Variants in MRPL37 observed in about 807,000 individuals in gnomAD.
MRPL37 encodes mitochondrial ribosomal protein L37.
Under a neutral mutation model 44.1 loss-of-function variants are expected in MRPL37, and 34 were observed. That is an observed-to-expected ratio of 0.77 (90% CI 0.59 to 1.03). The LOEUF is 1.03. Among genes scored for constraint, MRPL37 ranks in the 50% least tolerant of loss-of-function variants. The probability of loss-of-function intolerance (pLI) is 0.00; values close to 1 mark genes in which losing one functional copy is unlikely to be tolerated. For synonymous variants in MRPL37, 212 were observed against 219.5 expected (o/e 0.97, Z 0.30); for missense variants, 532 against 543.7 (o/e 0.98, Z 0.21).
intron 3 of MRPL37, among the ~76,000 whole-genome samples, chr1:54,206,162 G>T (rs1644120526): frequency 6.6e-6 from 1 of 151,928 alleles, no homozygotes; most frequent in Non-Finnish European, 1.5e-5. Context: ...ACCCAGGCTG[G>T]AGTGCAGTGG....
intron 4 of MRPL37, among the ~76,000 whole-genome samples, chr1:54,212,184 C>T (rs140626535): frequency 3.9e-5 from 6 of 152,322 alleles, no homozygotes; most frequent in African/African-American, 1.4e-4. Flanking sequence ...CAGGCATTTT[C>T]TGTGAAGAGT....
In MRPL37 at chr1:54,206,086, TTTTG is replaced by T. The variant is rs1423012856; in HGVS notation, c.646+680_646+683del. 5.9e-5 allele frequency among the ~76,000 whole-genome samples: 9 copies of T among 151,776 alleles called. 1 individual carries two copies. The highest frequency in any genetic ancestry group is 4.1e-4 in the South Asian group (2 of 4,824). ...ATACTCTTTTTTGTTTGATTTTTAT[TTTTG>T]TTTATTTATTTATTTATTTATTTTA... On this transcript the variant is annotated intron_variant, in intron 3 of 6. Transcript: ENST00000360840.
At chr1:54,209,912 A>C (rs768716425) in intron 3 of MRPL37, 34 bp from the exon 4 acceptor site, 1 of 1,604,580 alleles carries the variant, frequency 6.2e-7, no homozygotes, top group South Asian at 1.1e-5. Flanking sequence ...AGCCTTTAGT[A>C]CCAGGTTAGA....
At position 54,205,030 on chromosome 1, in the gene MRPL37, C is replaced by T. The variant is rs1420339509; in HGVS notation, c.359C>T (p.Ala120Val). The T allele has an allele frequency of 1.2e-6, 2 of 1,613,856 alleles. No individual in the cohort carries two copies. The highest frequency in any genetic ancestry group is 1.7e-6 in the Non-Finnish European group (2 of 1,179,892). Residue 120 changes from alanine (A) to valine (V), a missense_variant, in exon 2 of 7, where the codon GCC becomes GTC. Coordinates refer to ENST00000360840, the MANE Select transcript of MRPL37 (RefSeq NM_016491.4). ...RCRLLEGVKQ[A>V]LWLTKTKLIE... is the part of the protein sequence containing the mutation. ...AATTACCTCAAAGGTGTAAAGCAGG[C>T]CCTCTGGCTCACCAAGACCAAGTTA...
Position 54,200,549 on chromosome 1 carries a change from G to A in MRPL37, c.306G>A (p.Gln102=), listed in dbSNP as rs1007592601. Residue 102 remains glutamine (Q), a synonymous_variant, in exon 1 of 7, where the codon CAG becomes CAA. Transcript: ENST00000360840. ...PLHEHPLYKD[Q]ACYIFHHRCR... ...ACGAGCATCCGCTGTACAAAGACCA[G>A]GCCTGCTATATCTTTCACCACCGTT... The A allele has an allele frequency of 5.6e-6, 9 of 1,610,702 alleles. No individual in the cohort carries two copies. In the East Asian group the frequency reaches 2.0e-4, roughly 36 times the overall value.
Position 54,212,536 on chromosome 1 carries a change from AC to A in MRPL37, c.871del (p.Leu291CysfsTer23), listed in dbSNP as rs778225417. ...AGGCTATCCTTACCCCTATCCCCATACCCTGTACTTACTGGACAAAGCCAAT... is the reference window on the plus strand; with the variant it reads ...AGGCTATCCTTACCCCTATCCCCATACCTGTACTTACTGGACAAAGCCAAT... ...QEGYPYPYPH[T>X]LYLLDKANLR... On this transcript the variant is annotated frameshift_variant, in exon 5 of 7. Transcript: ENST00000360840. LOFTEE classifies it high-confidence loss of function. 25 of 1,614,018 alleles carry A rather than the reference AC, an allele frequency of 1.5e-5. No homozygotes were observed. The highest frequency in any genetic ancestry group is 2.1e-5 in the Non-Finnish European group (25 of 1,180,012).
chr1:54,215,700 C>G (rs970358635), intron 5 of MRPL37, among the ~76,000 whole-genome samples: 3 of 152,202 alleles, frequency 2.0e-5, no homozygotes, highest in Non-Finnish European at 2.9e-5. Context: ...GTTTCCTCAT[C>G]TGTCAAATGG....
chr1:54,204,441 A>G (rs1002508355), intron 1 of MRPL37, among the ~76,000 whole-genome samples: 3 of 152,116 alleles, frequency 2.0e-5, no homozygotes, highest in Non-Finnish European at 2.9e-5. Flanking sequence ...GAAAAGCCCA[A>G]CCTTTCTATA....
chr1:54,200,186 C>A lies in MRPL37; in HGVS notation c.-58C>A. The A allele has an allele frequency of 2.7e-6, 4 of 1,481,910 alleles. No individual in the cohort carries two copies. Among genetic ancestry groups the A allele is most frequent in the Non-Finnish European group, 3.6e-6 (4 of 1,115,276 alleles). The allele number at this position is 1,481,910 out of a possible 1,614,324, so 91.8% of individuals were successfully genotyped here. On this transcript the variant is annotated 5_prime_UTR_variant, in exon 1 of 7. Coordinates refer to ENST00000360840, the MANE Select transcript of MRPL37 (RefSeq NM_016491.4). ...CCCGGTCTCATTCGTTCCCAGCAGG[C>A]CCTGCGCGCGGCAACATGGCGGGGT...
chr1:54,224,966 G>GTCC (rs1557430012), downstream of MRPL37, among the ~76,000 whole-genome samples: 6 of 151,264 alleles, frequency 4.0e-5, no homozygotes, highest in Non-Finnish European at 5.9e-5. Flanking sequence ...ACCTCCCTGT[G>GTCC]CCAACAGTCG....
chr1:54,200,373 CCT>C lies in MRPL37; in HGVS notation c.132_133del (p.Leu46GlyfsTer2). On this transcript the variant is annotated frameshift_variant, in exon 1 of 7. Coordinates refer to ENST00000360840, the MANE Select transcript of MRPL37 (RefSeq NM_016491.4). LOFTEE classifies it high-confidence loss of function. ...GVRSTRKSEP[P>X]PLDRVYEIPG... ...GCGCTCCACGCGGAAGTCGGAGCCT[CCT>C]CCCCTGGATAGGGTGTACGAGATCC... The C allele has an allele frequency of 6.2e-7, 1 of 1,614,182 alleles. No homozygotes were observed. The highest frequency in any genetic ancestry group is 8.5e-7 in the Non-Finnish European group (1 of 1,180,022).
chr1:54,205,428 C>T lies in MRPL37; in HGVS notation c.646+18C>T. On this transcript the variant is annotated intron_variant, in intron 3 of 6. Transcript: ENST00000360840. ...GAACCGAGGTTGGTCATCTTGTACACCAGAAAGCCTTGGTCTGTTTTTTTT... is the reference window on the plus strand; with the variant it reads ...GAACCGAGGTTGGTCATCTTGTACATCAGAAAGCCTTGGTCTGTTTTTTTT... The T allele has an allele frequency of 6.3e-7, 1 of 1,596,762 alleles. No homozygotes were observed. The highest frequency in any genetic ancestry group is 1.1e-5 in the South Asian group (1 of 90,362).
intron 1 of MRPL37, among the ~76,000 whole-genome samples, chr1:54,202,841 T>C (rs1339341467): frequency 2.6e-5 from 4 of 152,182 alleles, no homozygotes; most frequent in Admixed American, 2.6e-4. Flanking sequence ...GAAGTGTTCT[T>C]CCAGCTGAGA....
Position 54,205,305 on chromosome 1 carries a change from G to A in MRPL37, c.541G>A (p.Val181Met), listed in dbSNP as rs753464818. ...CTTTTTGTCTTCAAGCCCGGTCATC[G>A]TGGACAACCTAATACAGCTGTGTAA... is the stretch of plus-strand genomic sequence containing the variant. ...PKRETYCPVI[V>M]DNLIQLCKSQ... Residue 181 changes from valine to methionine, a missense_variant, in exon 3 of 7, where the codon GTG becomes ATG. Val to Met is a conservative substitution (Grantham distance 21). Transcript: ENST00000360840. 48 of 1,612,838 alleles carry A rather than the reference G, an allele frequency of 3.0e-5. No individual in the cohort carries two copies. The highest frequency in any genetic ancestry group is 3.6e-5 in the Non-Finnish European group (42 of 1,179,140).
chr1:54,210,249 T>C, intron 4 of MRPL37, 118 bp downstream of exon 4: 1 of 933,352 alleles, frequency 1.1e-6, no homozygotes, highest in Non-Finnish European at 1.6e-6. Flanking sequence ...GTATTACCTA[T>C]CTCCTAGGAT....
chr1:54,203,973 T>A (rs567985242), intron 1 of MRPL37, among the ~76,000 whole-genome samples: 2 of 152,222 alleles, frequency 1.3e-5, no homozygotes, highest in Non-Finnish European at 2.9e-5. Context: ...TGAGTAGTTG[T>A]GAGAGAGACT....
chr1:54,213,755 A>C (rs1644179927), intron 5 of MRPL37, among the ~76,000 whole-genome samples: 1 of 152,088 alleles, frequency 6.6e-6, no homozygotes, highest in Admixed American at 6.6e-5. Context: ...GAGTTTAAAA[A>C]CCACTGAACT....
Position 54,212,613 on chromosome 1 carries a change from G to C in MRPL37, c.945G>C (p.Leu315=). ...ATCAGCTGCGGGCCAAGATGATCCT[G>C]TTTGCTTTTGGCAGTGCCCTGGCTC... ...QPDQLRAKMI[L]FAFGSALAQA... The change falls in exon 5 of 7, where the codon CTG becomes CTC. Residue 315 remains leucine, a synonymous_variant. Coordinates refer to ENST00000360840, the MANE Select transcript of MRPL37 (RefSeq NM_016491.4). The C allele has an allele frequency of 6.2e-7, 1 of 1,614,210 alleles. No homozygotes were observed. Among genetic ancestry groups the C allele is most frequent in the Non-Finnish European group, 8.5e-7 (1 of 1,180,040 alleles).
chr1:54,217,693 T>G (rs1644207667), intron 6 of MRPL37, among the ~76,000 whole-genome samples: 1 of 152,226 alleles, frequency 6.6e-6, no homozygotes, highest in South Asian at 2.1e-4. Flanking sequence ...TTCTTCTTTT[T>G]CCTACTTCTG....
Sources: allele counts gnomAD v4.1 joint callset (sites outside exome capture counted in the v4.1 genomes callset), GRCh38; gene constraint gnomAD v4.1.1; transcripts MANE v1.5; gene names NCBI Gene and HGNC (gene_info 2026-07-23, HGNC 2026-07-21).